IGSF21: variants seen among roughly 807,000 people sequenced by gnomAD.
IGSF21 encodes immunoglobulin superfamily member 21.
In IGSF21, 28 loss-of-function variants were observed where a neutral mutation model predicts 46.8. The observed-to-expected ratio is 0.60, with a 90% confidence interval of 0.44 to 0.82. The LOEUF (loss-of-function observed/expected upper bound fraction) is 0.82. Among genes scored for constraint, IGSF21 ranks in the 40% least tolerant of loss-of-function variants. IGSF21 has a pLI of 0.00. For missense variants in IGSF21, 624 were observed against 665.5 expected (o/e 0.94, Z 0.69); for synonymous variants, 284 against 273.6 (o/e 1.04, Z -0.38).
chr1:18,293,322 G>A (rs1401788084), intron 3 of IGSF21, among the ~76,000 whole-genome samples: 1 of 152,216 alleles, frequency 6.6e-6, no homozygotes, highest in Admixed American at 6.5e-5. Context: ...AAATTAGAAA[G>A]CGGGACAAGA....
At chr1:18,149,110 C>A (rs1269121104) in intron 1 of IGSF21, among the ~76,000 whole-genome samples, 1 of 152,334 alleles carries the variant, frequency 6.6e-6, no homozygotes, top group East Asian at 1.9e-4. Context: ...CTGCGGCCCA[C>A]CTTGCCTGGA....
At position 18,211,997 on chromosome 1, in the gene IGSF21, T is replaced by C. The variant is rs139241517; in HGVS notation, c.71-15901T>C. Among the ~76,000 whole-genome samples the C allele has an allele frequency of 1.6e-3, 251 of 152,324 alleles. 2 individuals carry two copies. Among genetic ancestry groups the C allele is most frequent in the African/African-American group, 4.9e-3 (203 of 41,568 alleles). ...GTGGAGCAGCCAACAGGTTGGGCCA[T>C]CTGCCTCACAGCTTCCCAGCAATGT... On this transcript the variant is annotated intron_variant, in intron 1 of 9. Coordinates refer to ENST00000251296, the MANE Select transcript of IGSF21 (RefSeq NM_032880.5).
chr1:18,116,231 G>A (rs1239292710), intron 1 of IGSF21, among the ~76,000 whole-genome samples: 1 of 152,050 alleles, frequency 6.6e-6, no homozygotes, highest in African/African-American at 2.4e-5. Context: ...ATACATTGGG[G>A]CCTCCCTCAC....
chr1:18,376,484 A>C (rs1015434946), intron 7 of IGSF21, 89 bp downstream of exon 7: 15 of 968,368 alleles, frequency 1.5e-5, no homozygotes, highest in Admixed American at 5.2e-5. Flanking sequence ...CCTCTCTAAC[A>C]CTCTTCCTTT....
chr1:18,192,749 ACT>A (rs1466557300), intron 1 of IGSF21, among the ~76,000 whole-genome samples: 1 of 151,904 alleles, frequency 6.6e-6, no homozygotes, highest in Non-Finnish European at 1.5e-5. Flanking sequence ...TTGCTTCCAT[ACT>A]CTGAGTTTAA....
At position 18,179,244 on chromosome 1, in the gene IGSF21, G is replaced by A. The variant is rs1168190280; in HGVS notation, c.71-48654G>A. 4.6e-5 allele frequency: 7 copies of A among 152,156 alleles called. 1 individual carries two copies. The East Asian group carries it at 9.7e-4, about 21-fold the overall frequency. The allele number at this position is 152,156 out of a possible 1,614,324, so 9.4% of individuals were successfully genotyped here. A position where few individuals can be genotyped will look rare whatever the true frequency, so the allele number is the denominator to read the frequency against. On this transcript the variant is annotated intron_variant, in intron 1 of 9. Transcript: ENST00000251296. ...CCAAGCAGCTCACGGCAACTCAACA[G>A]GTGCTCGTTTGAGCTCCAACCTTCC... is the stretch of plus-strand genomic sequence containing the variant.
At chr1:18,254,256 G>A (rs908220581) in intron 2 of IGSF21, among the ~76,000 whole-genome samples, 4 of 146,310 alleles carry the variant, frequency 2.7e-5, no homozygotes, top group African/African-American at 1.1e-4. Context: ...GATGTGAAGT[G>A]GAGAGAGTTT....
At chr1:18,241,081 C>G (rs1046227577) in intron 2 of IGSF21, among the ~76,000 whole-genome samples, 2 of 152,104 alleles carry the variant, frequency 1.3e-5, no homozygotes, top group African/African-American at 4.8e-5. Flanking sequence ...AGTGCCCCAC[C>G]CTTGAGTGAA....
intron 2 of IGSF21, among the ~76,000 whole-genome samples, chr1:18,244,240 C>T (rs566755348): frequency 1.3e-5 from 2 of 152,176 alleles, no homozygotes; most frequent in African/African-American, 2.4e-5. Flanking sequence ...TGCCCCCGGT[C>T]GGGAGATTTC....
chr1:18,176,871 G>A (rs554382857), intron 1 of IGSF21, among the ~76,000 whole-genome samples: 3 of 152,244 alleles, frequency 2.0e-5, no homozygotes, highest in Non-Finnish European at 4.4e-5. Context: ...CAACAGGCCA[G>A]CTGTGACTTT....
At position 18,330,526 on chromosome 1, in the gene IGSF21, G is replaced by A. The variant is rs553680221; in HGVS notation, c.306-4366G>A. ...AGGAAGGGGCAGGGGCGAGAGAGAA[G>A]GGAAGGTGGGAGACATGGCTGGAGG... On this transcript the variant is annotated intron_variant, in intron 3 of 9. Transcript: ENST00000251296. 1.0e-3 allele frequency among the ~76,000 whole-genome samples: 153 copies of A among 151,358 alleles called. 1 individual carries two copies. The Middle Eastern group carries it at 0.01, about 10-fold the overall frequency.
chr1:18,118,200 C>T, intron 1 of IGSF21, among the ~76,000 whole-genome samples: 1 of 152,348 alleles, frequency 6.6e-6, no homozygotes, highest in Non-Finnish European at 1.5e-5. Context: ...CAGAGGCGCT[C>T]AGCGCTCCTC....
chr1:18,291,593 C>G (rs1199528073), intron 2 of IGSF21, among the ~76,000 whole-genome samples: 1 of 152,196 alleles, frequency 6.6e-6, no homozygotes, highest in Non-Finnish European at 1.5e-5. Context: ...CAAGCTTCCC[C>G]TGAGCGCACA....
intron 1 of IGSF21, among the ~76,000 whole-genome samples, chr1:18,140,314 T>G (rs1364229925): frequency 2.0e-5 from 3 of 152,230 alleles, no homozygotes; most frequent in Admixed American, 2.0e-4. Flanking sequence ...TCTAGTTGCC[T>G]GCAGGAAAGC....
chr1:18,189,684 T>A (rs183840367), intron 1 of IGSF21, among the ~76,000 whole-genome samples: 18 of 151,978 alleles, frequency 1.2e-4, no homozygotes, highest in Non-Finnish European at 1.9e-4. Flanking sequence ...CAGTTCACAG[T>A]AGGGTCCGTG....
chr1:18,234,946 C>T (rs1024772532), intron 2 of IGSF21, among the ~76,000 whole-genome samples: 1 of 152,186 alleles, frequency 6.6e-6, no homozygotes, highest in African/African-American at 2.4e-5. Flanking sequence ...TGGGAGAAAC[C>T]TTCAGCTCCC....
At chr1:18,284,441 C>T (rs1035350605) in intron 2 of IGSF21, among the ~76,000 whole-genome samples, 8 of 152,236 alleles carry the variant, frequency 5.3e-5, no homozygotes, top group Admixed American at 2.0e-4. Flanking sequence ...TCTAGATTTG[C>T]TCATCACCTC....
intron 1 of IGSF21, among the ~76,000 whole-genome samples, chr1:18,162,546 G>A (rs2086637476): frequency 6.6e-6 from 1 of 152,228 alleles, no homozygotes; most frequent in Non-Finnish European, 1.5e-5. Context: ...GTGGTGCAAA[G>A]TGGTTTTGCC....
chr1:18,247,328 C>T (rs1428093904), intron 2 of IGSF21, among the ~76,000 whole-genome samples: 1 of 152,154 alleles, frequency 6.6e-6, no homozygotes, highest in Non-Finnish European at 1.5e-5. Flanking sequence ...GGAGCAGGTA[C>T]ATCCCCTTCC....
Sources: allele counts gnomAD v4.1 joint callset (sites outside exome capture counted in the v4.1 genomes callset), GRCh38; gene constraint gnomAD v4.1.1; transcripts MANE v1.5; gene names NCBI Gene and HGNC (gene_info 2026-07-23, HGNC 2026-07-21).